Variants in COG5 observed in about 807,000 individuals in gnomAD.
COG5 encodes component of oligomeric golgi complex 5.
COG5 carries 86 observed loss-of-function variants against 110.4 expected under a neutral mutation model. That is an observed-to-expected ratio of 0.78 (90% CI 0.65 to 0.93). The LOEUF is 0.93. Ranked by LOEUF, COG5 falls within the 40% of genes least tolerant of loss-of-function variation. The pLI is 0.00. For synonymous variants in COG5, 360 were observed against 334.6 expected, an observed-to-expected ratio of 1.08 and a Z score of -0.83; for missense variants, 1,077 against 987.0, an observed-to-expected ratio of 1.09 and a Z score of -1.22.
chr7:107,351,884 A>G (rs928924096), intron 10 of COG5, among the ~76,000 whole-genome samples: 13 of 149,662 alleles, frequency 8.7e-5, no homozygotes, highest in Non-Finnish European at 6.0e-5. Flanking sequence ...TAGTTCAACC[A>G]TTGTGGAAGT....
intron 6 of COG5, among the ~76,000 whole-genome samples, chr7:107,468,778 G>GAAA (rs898921583): frequency 1.3e-5 from 2 of 151,910 alleles, no homozygotes; most frequent in African/African-American, 4.8e-5. Context: ...TATACATTTT[G>GAAA]AAAAATGAAG....
chr7:107,423,528 TGA>T (rs1327021395), intron 6 of COG5, among the ~76,000 whole-genome samples: 2 of 151,856 alleles, frequency 1.3e-5, no homozygotes, highest in Non-Finnish European at 2.9e-5. Context: ...TTCTATACAA[TGA>T]GAGAGGGAAC....
chr7:107,257,733 G>C (rs966017259), intron 15 of COG5, among the ~76,000 whole-genome samples: 2 of 151,910 alleles, frequency 1.3e-5, no homozygotes, highest in Non-Finnish European at 2.9e-5. Flanking sequence ...AGACAAACAA[G>C]GTTCAGCCAT....
In COG5 at chr7:107,527,289, C is replaced by T. The variant is rs759656787; in HGVS notation, c.486G>A (p.Leu162=). The change falls in exon 6 of 22, where the codon CTG becomes CTA. Residue 162 remains leucine, a synonymous_variant. Coordinates refer to ENST00000297135, the MANE Select transcript of COG5 (RefSeq NM_006348.5). The part of the protein sequence containing the change: ...LNLSKRLQGQ[L]QGGSREITKA... ...TTGTTATCTCTCTACTTCCCCCTTGCAGTTGTCCTTGGAGTCTCTTACTGA... is the reference window on the plus strand; with the variant it reads ...TTGTTATCTCTCTACTTCCCCCTTGTAGTTGTCCTTGGAGTCTCTTACTGA... The T allele has an allele frequency of 2.5e-6, 4 of 1,611,958 alleles. No homozygotes were observed. In the Admixed American group the frequency reaches 6.7e-5, roughly 27 times the overall value.
At chr7:107,366,970 A>G (rs1426699659) in intron 8 of COG5, among the ~76,000 whole-genome samples, 1 of 152,092 alleles carries the variant, frequency 6.6e-6, no homozygotes, top group Non-Finnish European at 1.5e-5. Context: ...AGTAAGTTTA[A>G]TTTTGAGGTG....
chr7:107,410,179 T>C (rs1242838663), intron 7 of COG5, among the ~76,000 whole-genome samples: 1 of 152,202 alleles, frequency 6.6e-6, no homozygotes, highest in African/African-American at 2.4e-5. Flanking sequence ...GGAATACTTC[T>C]TGGTACCAGA....
Position 107,547,914 on chromosome 7 carries a change from A to G in COG5, c.417+197T>C, listed in dbSNP as rs181964582. ...AGTTAATAAACAATTATACACTGCAATGACAGTGAAAAGAATTTGCTTTAG... is the reference window on the plus strand; with the variant it reads ...AGTTAATAAACAATTATACACTGCAGTGACAGTGAAAAGAATTTGCTTTAG... On this transcript the variant is annotated intron_variant, in intron 5 of 21. Transcript: ENST00000297135. The G allele has an allele frequency of 1.1e-4, 67 of 602,888 alleles. No homozygotes were observed. In the African/African-American group the frequency reaches 1.2e-3, roughly 11 times the overall value. The allele number at this position is 602,888 out of a possible 1,614,324, so 37.3% of individuals were successfully genotyped here. A position where few individuals can be genotyped will look rare whatever the true frequency, so the allele number is the denominator to read the frequency against.
chr7:107,233,641 G>A (rs1313336609), intron 18 of COG5, among the ~76,000 whole-genome samples: 2 of 152,138 alleles, frequency 1.3e-5, no homozygotes, highest in African/African-American at 2.4e-5. Context: ...TAGAATGGCA[G>A]GCACTTTTAT....
intron 6 of COG5, among the ~76,000 whole-genome samples, chr7:107,418,792 G>C (rs1347584771): frequency 6.6e-6 from 1 of 151,556 alleles, no homozygotes; most frequent in Non-Finnish European, 1.5e-5. Context: ...TGTTTTGTCT[G>C]AAATAGAGTC....
intron 1 of COG5, among the ~76,000 whole-genome samples, chr7:107,558,615 G>A (rs1192930115): frequency 1.3e-4 from 18 of 137,094 alleles, no homozygotes; most frequent in Admixed American, 3.0e-4. Context: ...GGCCGGGCGC[G>A]GTGGCTCACA....
intron 7 of COG5, among the ~76,000 whole-genome samples, chr7:107,388,528 T>C (rs1202069450): frequency 6.6e-6 from 1 of 152,160 alleles, no homozygotes; most frequent in Non-Finnish European, 1.5e-5. Flanking sequence ...CTTAAAAATA[T>C]GCTCAGAAAA....
chr7:107,503,525 C>T (rs1348424928), intron 6 of COG5, among the ~76,000 whole-genome samples: 1 of 151,874 alleles, frequency 6.6e-6, no homozygotes, highest in African/African-American at 2.4e-5. Flanking sequence ...TTTTTTTTCC[C>T]ATTCGGTGAA....
At chr7:107,421,199 C>T (rs1442948056) in intron 6 of COG5, among the ~76,000 whole-genome samples, 1 of 152,128 alleles carries the variant, frequency 6.6e-6, no homozygotes, top group African/African-American at 2.4e-5. Flanking sequence ...AAACCTCATC[C>T]CTCCATCGTC....
intron 19 of COG5, among the ~76,000 whole-genome samples, chr7:107,213,945 C>T (rs1405868323): frequency 1.3e-5 from 2 of 151,738 alleles, no homozygotes; most frequent in Non-Finnish European, 2.9e-5. Flanking sequence ...TATGGAATGA[C>T]CAACAAAAAA....
intron 10 of COG5, among the ~76,000 whole-genome samples, chr7:107,355,140 T>C (rs893647209): frequency 6.6e-6 from 1 of 152,150 alleles, no homozygotes; most frequent in African/African-American, 2.4e-5. Context: ...TCTTAGAACA[T>C]TAACTAATGA....
At chr7:107,375,974 T>A (rs1322641421) in intron 7 of COG5, among the ~76,000 whole-genome samples, 1 of 151,996 alleles carries the variant, frequency 6.6e-6, no homozygotes, top group Non-Finnish European at 1.5e-5. Flanking sequence ...GAAATACAAT[T>A]CACCTGGAAT....
At chr7:107,313,591 A>G (rs1584663841) in intron 11 of COG5, among the ~76,000 whole-genome samples, 1 of 152,124 alleles carries the variant, frequency 6.6e-6, no homozygotes, top group South Asian at 2.1e-4. Flanking sequence ...TGGAGGTTCT[A>G]GGGGGAATTC....
At chr7:107,563,680 G>A in intron 1 of COG5, 123 bp downstream of exon 1, 1 of 1,080,118 alleles carries the variant, frequency 9.3e-7, no homozygotes, top group Non-Finnish European at 1.4e-6. Flanking sequence ...CGGGCGGAGG[G>A]GAGTGGTCAC....
intron 12 of COG5, among the ~76,000 whole-genome samples, chr7:107,289,439 TTTCTTC>T (rs998501154): frequency 1.3e-5 from 2 of 152,122 alleles, no homozygotes; most frequent in African/African-American, 4.8e-5. Flanking sequence ...CTACACTCTT[TTTCTTC>T]TTCTTCTTCT....
Sources: gnomAD v4.1 joint callset for allele counts (sites outside exome capture counted in the v4.1 genomes callset) on GRCh38, gnomAD v4.1.1 for gene constraint, MANE v1.5 for transcripts, NCBI Gene and HGNC (gene_info 2026-07-23, HGNC 2026-07-21) for gene names.